GALK2: variants seen among roughly 807,000 people sequenced by gnomAD.
GALK2 encodes the protein galactokinase 2.
A neutral mutation model predicts 52.4 loss-of-function variants in GALK2; 36 were observed. The ratio of observed to expected loss-of-function variants is 0.69; its 90% CI spans 0.53 to 0.91. The LOEUF (loss-of-function observed/expected upper bound fraction) is 0.91, where lower values mean the gene tolerates loss of function less well. GALK2 is among the 40% of genes least tolerant of loss of function. The pLI is 0.00. For synonymous variants in GALK2, 176 were observed against 199.1 expected (o/e 0.88, Z 0.98); for missense variants, 579 against 559.1 (o/e 1.04, Z -0.36).
chr15:49,187,468 A>G (rs551209873), intron 1 of GALK2, among the ~76,000 whole-genome samples: 2 of 152,284 alleles, frequency 1.3e-5, no homozygotes, highest in South Asian at 2.1e-4. Flanking sequence ...TCAAGGCCCA[A>G]GCAGGTGGCA....
intron 1 of GALK2, among the ~76,000 whole-genome samples, chr15:49,160,328 A>T (rs143705058): frequency 6.6e-6 from 1 of 152,178 alleles, no homozygotes; most frequent in Non-Finnish European, 1.5e-5. Context: ...TATCCAGTCT[A>T]TATTCAAAAT....
At chr15:49,180,035 A>C (rs954681307) in intron 1 of GALK2, among the ~76,000 whole-genome samples, 2 of 152,140 alleles carry the variant, frequency 1.3e-5, no homozygotes, top group African/African-American at 4.8e-5. Flanking sequence ...CTAAGGTAGG[A>C]ATGTTGTATA....
chr15:49,314,337 T>TAAAC (rs1408456454), intron 8 of GALK2, among the ~76,000 whole-genome samples: 4 of 152,222 alleles, frequency 2.6e-5, no homozygotes, highest in Non-Finnish European at 1.5e-5. Flanking sequence ...AAATACAATA[T>TAAAC]AAACAATTCT....
At chr15:49,248,872 G>T (rs180876280) in intron 5 of GALK2, among the ~76,000 whole-genome samples, 115 of 152,276 alleles carry the variant, frequency 7.6e-4, no homozygotes, top group African/African-American at 2.7e-3. Context: ...GGGAACAGCA[G>T]ATTTGAGGAG....
intron 1 of GALK2, among the ~76,000 whole-genome samples, chr15:49,188,067 G>C (rs2086484431): frequency 6.6e-6 from 1 of 152,164 alleles, no homozygotes; most frequent in African/African-American, 2.4e-5. Context: ...GACAAGTACT[G>C]CCTGGCAACC....
chr15:49,307,620 G>A (rs778498866), intron 8 of GALK2, among the ~76,000 whole-genome samples: 34 of 152,240 alleles, frequency 2.2e-4, no homozygotes, highest in Non-Finnish European at 4.3e-4. Flanking sequence ...ATATGCCAGC[G>A]TGTAAAATGC....
chr15:49,209,264 T>C (rs544617746), intron 2 of GALK2, among the ~76,000 whole-genome samples: 1 of 152,346 alleles, frequency 6.6e-6, no homozygotes, highest in Non-Finnish European at 1.5e-5. Context: ...TATAAGATCA[T>C]GTTGTGTACA....
At chr15:49,317,858 A>G (rs8033509) in intron 8 of GALK2, among the ~76,000 whole-genome samples, 80 of 152,284 alleles carry the variant, frequency 5.3e-4, no homozygotes, top group South Asian at 3.1e-3. Flanking sequence ...GAGTTGAACA[A>G]TGGACACATG....
At chr15:49,318,528 T>G (rs1395891284) in intron 8 of GALK2, among the ~76,000 whole-genome samples, 1 of 152,200 alleles carries the variant, frequency 6.6e-6, no homozygotes, top group Non-Finnish European at 1.5e-5. Flanking sequence ...AATCTGAGTT[T>G]TGATAGCAGT....
intron 2 of GALK2, among the ~76,000 whole-genome samples, chr15:49,208,984 C>T (rs1314281891): frequency 6.6e-6 from 1 of 152,142 alleles, no homozygotes; most frequent in Non-Finnish European, 1.5e-5. Flanking sequence ...CCTCTGCTCG[C>T]TTTGGTGTCC....
intron 9 of GALK2, among the ~76,000 whole-genome samples, chr15:49,325,943 ACT>A (rs1399112150): frequency 1.3e-5 from 2 of 152,062 alleles, no homozygotes; most frequent in Non-Finnish European, 2.9e-5. Flanking sequence ...TAAAAATAAT[ACT>A]CTGTTTGCTT....
chr15:49,286,766 G>A (rs2033410227), intron 7 of GALK2, among the ~76,000 whole-genome samples: 1 of 152,064 alleles, frequency 6.6e-6, no homozygotes, highest in Non-Finnish European at 1.5e-5. Flanking sequence ...TCCTTTTTCA[G>A]GAGATGGAAG....
intron 1 of GALK2, among the ~76,000 whole-genome samples, chr15:49,174,401 A>C (rs2085303806): frequency 6.6e-6 from 1 of 152,170 alleles, no homozygotes; most frequent in Non-Finnish European, 1.5e-5. Flanking sequence ...GCTGGAGTGC[A>C]GTGTCATGAA....
At chr15:49,325,600 A>G (rs558233943) in intron 9 of GALK2, among the ~76,000 whole-genome samples, 29 of 152,392 alleles carry the variant, frequency 1.9e-4, no homozygotes, top group Non-Finnish European at 3.8e-4. Flanking sequence ...TTCTGCCTTT[A>G]TAAGTGTATA....
At chr15:49,289,240 A>T (rs568899357) in intron 7 of GALK2, among the ~76,000 whole-genome samples, 1 of 152,206 alleles carries the variant, frequency 6.6e-6, no homozygotes, top group Admixed American at 6.5e-5. Context: ...GGCACTCAGT[A>T]GACACTCACT....
upstream of GALK2, among the ~76,000 whole-genome samples, chr15:49,168,919 T>C (rs2084916180): frequency 6.6e-6 from 1 of 151,924 alleles, no homozygotes; most frequent in Non-Finnish European, 1.5e-5. Flanking sequence ...TATAATTCAT[T>C]CATTTGAAAA....
intron 5 of GALK2, among the ~76,000 whole-genome samples, chr15:49,272,325 G>A (rs757892711): frequency 9.9e-5 from 15 of 152,102 alleles, no homozygotes; most frequent in Non-Finnish European, 2.1e-4. Context: ...GTATTTGTCA[G>A]CTTTCTTCAC....
intron 7 of GALK2, among the ~76,000 whole-genome samples, chr15:49,288,205 T>C (rs2033577741): frequency 6.6e-6 from 1 of 152,248 alleles, no homozygotes. Flanking sequence ...GCTTTTCTTA[T>C]ACAGTATCCC....
At chr15:49,203,678 A>C (rs1167172761) in intron 2 of GALK2, among the ~76,000 whole-genome samples, 14 of 152,294 alleles carry the variant, frequency 9.2e-5, no homozygotes, top group Non-Finnish European at 1.6e-4. Context: ...TTAAGTCTTT[A>C]ATCCATTTTA....
Sources: gnomAD v4.1 joint callset for allele counts (sites outside exome capture counted in the v4.1 genomes callset) on GRCh38, gnomAD v4.1.1 for gene constraint, MANE v1.5 for transcripts, NCBI Gene and HGNC (gene_info 2026-07-23, HGNC 2026-07-21) for gene names.